The following COX10 variants were observed in gnomAD, a reference collection of about 807,000 sequenced individuals.
COX10 encodes the protein cytochrome c oxidase assembly factor heme A:farnesyltransferase COX10, also known as protoheme IX farnesyltransferase, mitochondrial.
Under a neutral mutation model 37.3 loss-of-function variants are expected in COX10, and 27 were observed. The observed-to-expected ratio is 0.72, with a 90% CI of 0.53 to 1.00. COX10 has a LOEUF of 1.00. Among genes scored for constraint, COX10 ranks in the 50% least tolerant of loss-of-function variants. The pLI, the probability that COX10 is intolerant of heterozygous loss-of-function variation, is 0.00. For missense variants in COX10, 475 were observed against 563.2 expected (o/e 0.84, Z 1.59); for synonymous variants, 222 against 229.1 (o/e 0.97, Z 0.28).
intron 4 of COX10, among the ~76,000 whole-genome samples, chr17:14,158,265 G>T (rs1905090966): frequency 6.6e-6 from 1 of 151,870 alleles, no homozygotes; most frequent in Admixed American, 6.6e-5. Context: ...GTAGTTTGTA[G>T]TATAGGATAT....
At chr17:14,089,635 T>C (rs1915481417) in intron 3 of COX10, among the ~76,000 whole-genome samples, 1 of 152,226 alleles carries the variant, frequency 6.6e-6, no homozygotes, top group African/African-American at 2.4e-5. Flanking sequence ...TTCCAACAGT[T>C]GTTGAAGGCT....
chr17:14,172,319 A>C (rs2530364), intron 5 of COX10, among the ~76,000 whole-genome samples: 35 of 152,158 alleles, frequency 2.3e-4, no homozygotes, highest in African/African-American at 8.2e-4. Flanking sequence ...ATTTTTAGTT[A>C]TTTGGGAGAT....
chr17:14,148,076 A>G (rs1597521635), intron 4 of COX10, among the ~76,000 whole-genome samples: 1 of 149,656 alleles, frequency 6.7e-6, no homozygotes, highest in African/African-American at 2.6e-5. Flanking sequence ...GATAAGTGCT[A>G]GGTGACCTTT....
chr17:14,108,567 G>A (rs563688173), intron 4 of COX10, among the ~76,000 whole-genome samples: 166 of 152,190 alleles, frequency 1.1e-3, no homozygotes, highest in Non-Finnish European at 2.1e-3. Context: ...AATAATTTTT[G>A]TGAAAGCAAA....
At chr17:14,112,083 G>A (rs1442950448) in intron 4 of COX10, among the ~76,000 whole-genome samples, 1 of 152,136 alleles carries the variant, frequency 6.6e-6, no homozygotes, top group Non-Finnish European at 1.5e-5. Context: ...TGCACAAAGT[G>A]TAATGTATTT....
intron 4 of COX10, among the ~76,000 whole-genome samples, chr17:14,141,258 G>A (rs1204745509): frequency 1.3e-5 from 2 of 151,700 alleles, no homozygotes; most frequent in South Asian, 2.1e-4. Context: ...CTCTTACATC[G>A]GCCAGGCACA....
intron 5 of COX10, chr17:14,179,163 G>C (rs1032223374): frequency 5.8e-5 from 41 of 704,174 alleles, no homozygotes; most frequent in Non-Finnish European, 6.6e-5. Context: ...TCCTAGTTCA[G>C]TTAAAATTGG....
At chr17:14,143,291 T>G (rs1904603158) in intron 4 of COX10, among the ~76,000 whole-genome samples, 1 of 152,226 alleles carries the variant, frequency 6.6e-6, no homozygotes, top group Non-Finnish European at 1.5e-5. Context: ...TTGTTTTCAT[T>G]TATCATTCCA....
chr17:14,179,305 G>T (rs1451750534), intron 5 of COX10: 1 of 690,056 alleles, frequency 1.4e-6, no homozygotes, highest in Non-Finnish European at 1.8e-6. Context: ...ATTTTTTAGT[G>T]ATATCCTTTT....
At chr17:14,071,968 G>A (rs565608307) in intron 1 of COX10, among the ~76,000 whole-genome samples, 5 of 152,028 alleles carry the variant, frequency 3.3e-5, no homozygotes, top group South Asian at 2.1e-4. Flanking sequence ...AATTTTAAAC[G>A]TCCTAAAATC....
intron 4 of COX10, among the ~76,000 whole-genome samples, chr17:14,126,672 A>G (rs1181759554): frequency 3.3e-4 from 50 of 151,842 alleles, no homozygotes; most frequent in Non-Finnish European, 2.1e-4. Context: ...CAGCTCCTTG[A>G]TATTAGGGTG....
intron 4 of COX10, among the ~76,000 whole-genome samples, chr17:14,124,756 A>G (rs1916299304): frequency 6.6e-6 from 1 of 152,076 alleles, no homozygotes; most frequent in Non-Finnish European, 1.5e-5. Flanking sequence ...TTCTTTATCT[A>G]TCATAATGTG....
At chr17:14,126,949 C>T (rs1432051187) in intron 4 of COX10, among the ~76,000 whole-genome samples, 1 of 60,530 alleles carries the variant, frequency 1.7e-5, no homozygotes, top group Non-Finnish European at 3.6e-5. Flanking sequence ...TTGTTTTTAA[C>T]TTTAGAAAAA....
At chr17:14,079,422 C>T (rs966321025) in intron 3 of COX10, among the ~76,000 whole-genome samples, 2 of 152,144 alleles carry the variant, frequency 1.3e-5, no homozygotes, top group African/African-American at 2.4e-5. Flanking sequence ...TATCCTGGCA[C>T]ATTCAAAAAG....
At chr17:14,120,125 A>T (rs1011320841) in intron 4 of COX10, among the ~76,000 whole-genome samples, 1 of 152,220 alleles carries the variant, frequency 6.6e-6, no homozygotes, top group East Asian at 1.9e-4. Flanking sequence ...TTACAAAATT[A>T]GGTGGATAGT....
chr17:14,176,496 A>G (rs1905696737), intron 5 of COX10, among the ~76,000 whole-genome samples: 1 of 152,178 alleles, frequency 6.6e-6, no homozygotes, highest in Non-Finnish European at 1.5e-5. Flanking sequence ...GTCTCCTTAA[A>G]GGCAGAATGG....
At chr17:14,087,919 G>A (rs1189059327) in intron 3 of COX10, among the ~76,000 whole-genome samples, 3 of 152,058 alleles carry the variant, frequency 2.0e-5, no homozygotes, top group Non-Finnish European at 4.4e-5. Flanking sequence ...GTTCTGCCTT[G>A]TCTCAGTGAG....
intron 4 of COX10, among the ~76,000 whole-genome samples, chr17:14,140,177 G>A (rs1294623493): frequency 6.6e-6 from 1 of 152,038 alleles, no homozygotes; most frequent in Non-Finnish European, 1.5e-5. Context: ...AAAGCATGTA[G>A]CCACATCTAT....
At chr17:14,096,064 G>A (rs1915643702) in intron 3 of COX10, among the ~76,000 whole-genome samples, 1 of 152,196 alleles carries the variant, frequency 6.6e-6, no homozygotes, top group South Asian at 2.1e-4. Context: ...ACTCTGTAGA[G>A]TCCCAGGCAG....
Sources: allele counts gnomAD v4.1 joint callset (sites outside exome capture counted in the v4.1 genomes callset), GRCh38; gene constraint gnomAD v4.1.1; transcripts MANE v1.5; gene names NCBI Gene and HGNC (gene_info 2026-07-23, HGNC 2026-07-21).